Variants in SDHB observed in about 807,000 individuals in gnomAD.
SDHB encodes succinate dehydrogenase [ubiquinone] iron-sulfur subunit, mitochondrial.
Under a neutral mutation model 39.7 loss-of-function variants are expected in SDHB, and 21 were observed. The observed-to-expected ratio is 0.53, with a 90% confidence interval of 0.37 to 0.76. SDHB has a LOEUF of 0.76. Ranked by LOEUF, SDHB falls within the 30% of genes least tolerant of loss-of-function variation. The probability of loss-of-function intolerance (pLI) is 0.00; values close to 1 mark genes in which losing one functional copy is unlikely to be tolerated. For missense variants in SDHB, 343 were observed against 350.9 expected (o/e 0.98, Z 0.18); for synonymous variants, 118 against 117.0 (o/e 1.01, Z -0.06).
intron 5 of SDHB, 48 bp downstream of exon 5, chr1:17,027,701 C>G (rs2077998958): frequency 1.8e-6 from 2 of 1,140,704 alleles, no homozygotes; most frequent in East Asian, 4.7e-5. Context: ...TGGCAATCAT[C>G]TTTGCAATAA....
intron 1 of SDHB, 95 bp downstream of exon 1, chr1:17,053,853 G>A: frequency 1.1e-6 from 1 of 900,770 alleles, no homozygotes; most frequent in Middle Eastern, 2.1e-4. Flanking sequence ...CTGAGGCCTT[G>A]CCCTATGCTT....
chr1:17,028,557 C>T (rs1488657233), intron 4 of SDHB, 43 bp downstream of exon 4: 2 of 1,608,294 alleles, frequency 1.2e-6, no homozygotes, highest in Non-Finnish European at 1.7e-6. Context: ...AGCACTGCCC[C>T]CCATGCAAAT....
intron 3 of SDHB, 34 bp from the exon 4 acceptor site, chr1:17,028,770 C>A: frequency 6.2e-7 from 1 of 1,611,362 alleles, no homozygotes; most frequent in South Asian, 1.1e-5. Flanking sequence ...CATCCTCACC[C>A]ATATCCGGAA....
chr1:17,050,969 C>A (rs1387751982), intron 1 of SDHB, among the ~76,000 whole-genome samples: 1 of 152,196 alleles, frequency 6.6e-6, no homozygotes, highest in East Asian at 1.9e-4. Flanking sequence ...TTTTGTTGTT[C>A]CCAGTTAAAA....
At chr1:17,044,925 AT>A (rs974412215) in intron 1 of SDHB, 37 bp from the exon 2 acceptor site, 9 of 1,596,374 alleles carry the variant, frequency 5.6e-6, no homozygotes, top group Non-Finnish European at 7.7e-6. Flanking sequence ...GGAAAAAAAA[AT>A]TAGAAATACA....
intron 2 of SDHB, among the ~76,000 whole-genome samples, chr1:17,038,070 C>T (rs950331402): frequency 6.6e-6 from 1 of 151,906 alleles, no homozygotes; most frequent in South Asian, 2.1e-4. Context: ...ATCCGGGAGG[C>T]GGAGGTTGCG....
chr1:17,053,071 G>T (rs1015840252), intron 1 of SDHB, among the ~76,000 whole-genome samples: 2 of 152,190 alleles, frequency 1.3e-5, no homozygotes, highest in African/African-American at 4.8e-5. Context: ...AAGAGGAACA[G>T]ACTTAGAAAG....
intron 2 of SDHB, among the ~76,000 whole-genome samples, chr1:17,036,960 G>C (rs912148716): frequency 6.6e-6 from 1 of 151,612 alleles, no homozygotes; most frequent in African/African-American, 2.4e-5. Flanking sequence ...GCCTAGCCTA[G>C]AAAAATACAT....
In SDHB at chr1:17,018,976, G is replaced by C; in HGVS notation, c.766-18C>G. 6.3e-7 allele frequency: 1 copy of C among 1,579,318 alleles called. No individual in the cohort carries two copies. Among genetic ancestry groups the C allele is most frequent in the Non-Finnish European group, 8.7e-7 (1 of 1,150,342 alleles). On this transcript the variant is annotated intron_variant, in intron 7 of 7. Transcript: ENST00000375499. The stretch of plus-strand genomic sequence containing the variant: ...TTCAGACCCTTGAAAAAAGAGAAAA[G>C]AATCAATAACAAATGATAACTGAAA...
Position 17,053,934 on chromosome 1 carries a change from G to A in SDHB, c.72+14C>T, listed in dbSNP as rs1321607765. The A allele has an allele frequency of 6.2e-7, 1 of 1,607,276 alleles. No homozygotes were observed. The highest frequency in any genetic ancestry group is 8.5e-7 in the Non-Finnish European group (1 of 1,174,836). ...CTTTCCTGACTTTTCCCTCTCTGAG[G>A]CTCCAGGACTCACCTGCAGGCAGGC... On this transcript the variant is annotated intron_variant, in intron 1 of 7. Coordinates refer to ENST00000375499, the MANE Select transcript of SDHB (RefSeq NM_003000.3).
intron 2 of SDHB, among the ~76,000 whole-genome samples, chr1:17,038,246 G>GA (rs1237734873): frequency 6.6e-6 from 1 of 152,166 alleles, no homozygotes; most frequent in African/African-American, 2.4e-5. Context: ...TTATCTATGA[G>GA]AGACAGTTTT....
rs9435743 is a variant in SDHB at position 17,028,858 on chromosome 1, C to G, written c.287-122G>C. The G allele has an allele frequency of 4.4e-4, 519 of 1,173,452 alleles. 1 individual carries two copies. The African/African-American group carries it at 7.1e-3, about 16-fold the overall frequency. The allele number at this position is 1,173,452 out of a possible 1,614,324, so 72.7% of individuals were successfully genotyped here. A position where few individuals can be genotyped will look rare whatever the true frequency, so the allele number is the denominator to read the frequency against. The stretch of plus-strand genomic sequence containing the variant: ...GGCAGCACTGACATGCAACATTCCT[C>G]TGACAGAGGTGCCTGTTGGCTTTTC... On this transcript the variant is annotated intron_variant, in intron 3 of 7. Transcript: ENST00000375499.
chr1:17,027,995 C>T (rs1030999070), intron 4 of SDHB, 130 bp from the exon 5 acceptor site: 22 of 689,884 alleles, frequency 3.2e-5, no homozygotes, highest in Non-Finnish European at 5.3e-5. Context: ...AAGCCAGACT[C>T]TTTTCCTTTG....
chr1:17,038,869 T>C (rs1457025729), intron 2 of SDHB, among the ~76,000 whole-genome samples: 1 of 152,344 alleles, frequency 6.6e-6, no homozygotes, highest in African/African-American at 2.4e-5. Flanking sequence ...TTAAAAATCA[T>C]GAATGAGTGT....
intron 6 of SDHB, chr1:17,023,150 A>G (rs909727323): frequency 1.2e-5 from 4 of 323,978 alleles, no homozygotes; most frequent in African/African-American, 8.6e-5. Context: ...CTGTCTACAG[A>G]TAGTATTTGT....
chr1:17,030,642 G>C (rs1474699049), intron 3 of SDHB, among the ~76,000 whole-genome samples: 1 of 151,934 alleles, frequency 6.6e-6, no homozygotes, highest in Non-Finnish European at 1.5e-5. Context: ...AAGATCATTA[G>C]GTCAGAGAAA....
intron 7 of SDHB, among the ~76,000 whole-genome samples, chr1:17,019,659 T>C (rs1018370326): frequency 2.0e-5 from 3 of 151,566 alleles, no homozygotes; most frequent in African/African-American, 7.3e-5. Flanking sequence ...TTTAGAAGGA[T>C]AAGTCTACCC....
chr1:17,033,274 T>G (rs2078033245), intron 2 of SDHB, 129 bp from the exon 3 acceptor site: 1 of 759,326 alleles, frequency 1.3e-6, no homozygotes, highest in African/African-American at 1.7e-5. Context: ...CTTCGGAATT[T>G]GTTCTGTAGT....
chr1:17,040,255 C>T (rs1035923672), intron 2 of SDHB, among the ~76,000 whole-genome samples: 2 of 152,058 alleles, frequency 1.3e-5, no homozygotes, highest in African/African-American at 4.8e-5. Context: ...TATTTTTGGT[C>T]GTCAGCAACT....
Sources: allele counts gnomAD v4.1 joint callset (sites outside exome capture counted in the v4.1 genomes callset), GRCh38; gene constraint gnomAD v4.1.1; transcripts MANE v1.5; gene names NCBI Gene and HGNC (gene_info 2026-07-23, HGNC 2026-07-21).